Variants in CHML observed in about 807,000 individuals in gnomAD.
CHML encodes the protein CHM like Rab escort protein, also known as rab proteins geranylgeranyltransferase component A 2.
CHML carries 20 observed loss-of-function variants against 30.4 expected under a neutral mutation model. The observed-to-expected ratio is 0.66, with a 90% CI of 0.46 to 0.95. The LOEUF is 0.95. Among genes scored for constraint, CHML ranks in the 40% least tolerant of loss-of-function variants. The pLI, the probability that CHML is intolerant of heterozygous loss-of-function variation, is 0.00. For missense variants in CHML, 795 were observed against 768.5 expected, an observed-to-expected ratio of 1.03 and a Z score of -0.41; for synonymous variants, 281 against 275.0, an observed-to-expected ratio of 1.02 and a Z score of -0.22.
At chr1:241,639,739 G>C in intron 1 of CHML, 143 bp downstream of exon 1, 2 of 825,710 alleles carry the variant, frequency 2.4e-6, no homozygotes, top group Non-Finnish European at 3.4e-6. Flanking sequence ...GGCGAGCGGG[G>C]AGCGGGGCGG....
In CHML at chr1:241,640,305, G is replaced by C; in HGVS notation, c.-731C>G. On this transcript the variant is annotated 5_prime_UTR_variant, in exon 1 of 2. Coordinates refer to ENST00000366553, the MANE Select transcript of CHML (RefSeq NM_001381853.1). ...GCGGAGGCGCTCAGCTTGCGGCGGG[G>C]CTCGCGGCGCGCTCCGCACTGGGTG... 9.0e-7 allele frequency: 1 copy of C among 1,108,012 alleles called. No homozygotes were observed. Among genetic ancestry groups the C allele is most frequent in the Non-Finnish European group, 1.1e-6 (1 of 912,682 alleles). 68.6% of individuals were successfully genotyped at this position (1,108,012 alleles called of 1,614,324 possible).
At position 241,632,481 on chromosome 1, in the gene CHML, A is replaced by C. The variant is rs1664678053; in HGVS notation, c.*1315T>G. On this transcript the variant is annotated 3_prime_UTR_variant, in exon 2 of 2. Transcript: ENST00000366553. ...CAGAGCAAAAACTGTCACAGGGATC[A>C]TCATACTCTGACTGAAGAATGGAAA... is the stretch of plus-strand genomic sequence containing the variant. The C allele has an allele frequency of 6.6e-6, 1 of 152,170 alleles. No homozygotes were observed. Among genetic ancestry groups the C allele is most frequent in the Non-Finnish European group, 1.5e-5 (1 of 68,016 alleles). The allele number at this position is 152,170 out of a possible 1,614,324, so 9.4% of individuals were successfully genotyped here. A position where few individuals can be genotyped will look rare whatever the true frequency, so the allele number is the denominator to read the frequency against.
Position 241,629,415 on chromosome 1 carries a change from T to C in CHML, c.*4381A>G, listed in dbSNP as rs1375643561. 1 of 152,070 alleles carries C rather than the reference T, an allele frequency of 6.6e-6. No individual in the cohort carries two copies. The highest frequency in any genetic ancestry group is 1.5e-5 in the Non-Finnish European group (1 of 67,968). The allele number at this position is 152,070 out of a possible 1,614,324, so 9.4% of individuals were successfully genotyped here. On this transcript the variant is annotated 3_prime_UTR_variant, in exon 2 of 2. Coordinates refer to ENST00000366553, the MANE Select transcript of CHML (RefSeq NM_001381853.1). ...AACTAAGTCAAAGTTGCATTTTTAA[T>C]ATTAGGAAATTTGAATACCATTCAA...
Position 241,635,431 on chromosome 1 carries a change from G to A in CHML, c.336C>T (p.Asn112=), listed in dbSNP as rs763746700. Residue 112 remains asparagine, a synonymous_variant, in exon 2 of 2, where the codon AAC becomes AAT. Coordinates refer to ENST00000366553, the MANE Select transcript of CHML (RefSeq NM_001381853.1). Reference sequence around the variant, plus strand: ...TCTGCAGAGCACCAATCTCTTCAACGTTGTCCTCCATATCCTGACTGGCGT... The same window carrying A: ...TCTGCAGAGCACCAATCTCTTCAACATTGTCCTCCATATCCTGACTGGCGT... ...FCYASQDMED[N]VEEIGALQKN... 14 of 1,613,822 alleles carry A rather than the reference G, an allele frequency of 8.7e-6. No individual in the cohort carries two copies. Among genetic ancestry groups the A allele is most frequent in the Middle Eastern group, 1.6e-4 (1 of 6,084 alleles).
intron 1 of CHML, among the ~76,000 whole-genome samples, chr1:241,637,928 A>G (rs1394145465): frequency 6.6e-6 from 1 of 151,998 alleles, no homozygotes; most frequent in Non-Finnish European, 1.5e-5. Context: ...TCAATACTCC[A>G]CTGTTAGGTA....
At position 241,635,517 on chromosome 1, in the gene CHML, C is replaced by G; in HGVS notation, c.250G>C (p.Glu84Gln). The change falls in exon 2 of 2, where the codon GAA becomes CAA. Residue 84 changes from glutamate to glutamine, a missense_variant. By Grantham distance (29) the Glu-to-Gln change is conservative. Transcript: ENST00000366553. ...TTCTTGCGAAGAGTGATGGCTTCTT[C>G]TGTTTCATGGATCAGGTCCTGCCAT... is the stretch of plus-strand genomic sequence containing the variant. ...VVWQDLIHETEEAITLRKKDE... is the reference protein window; with the variant it reads ...VVWQDLIHETQEAITLRKKDE... The G allele has an allele frequency of 6.2e-7, 1 of 1,613,968 alleles. No individual in the cohort carries two copies. Among genetic ancestry groups the G allele is most frequent in the South Asian group, 1.1e-5 (1 of 91,074 alleles).
chr1:241,635,812 G>A lies in CHML; in HGVS notation c.-46C>T, dbSNP rs779326055. 1.3e-6 allele frequency: 2 copies of A among 1,547,548 alleles called. No individual in the cohort carries two copies. Among genetic ancestry groups the A allele is most frequent in the Non-Finnish European group, 1.8e-6 (2 of 1,140,512 alleles). ...GGTGACAACTGCTGATGAAAGAAAT[G>A]AGGTGTGATTATGCTGTAATAAAAT... On this transcript the variant is annotated 5_prime_UTR_variant, in exon 2 of 2. Transcript: ENST00000366553.
Position 241,640,346 on chromosome 1 carries a change from C to G in CHML, c.-772G>C. The G allele has an allele frequency of 2.8e-6, 3 of 1,062,790 alleles. No individual in the cohort carries two copies. The highest frequency in any genetic ancestry group is 3.4e-6 in the Non-Finnish European group (3 of 882,414). 65.8% of individuals were successfully genotyped at this position (1,062,790 alleles called of 1,614,324 possible). A position where few individuals can be genotyped will look rare whatever the true frequency, so the allele number is the denominator to read the frequency against. ...GCACTGGGTGGGGTTGGGGCTCCGC[C>G]GCCTGCTCTAGCCATTGTGCACTGA... On this transcript the variant is annotated 5_prime_UTR_variant, in exon 1 of 2. Transcript: ENST00000366553.
chr1:241,635,668 C>G lies in CHML; in HGVS notation c.99G>C (p.Arg33Ser). 2 of 1,614,026 alleles carry G rather than the reference C, an allele frequency of 1.2e-6. No homozygotes were observed. Among genetic ancestry groups the G allele is most frequent in the Non-Finnish European group, 1.7e-6 (2 of 1,179,930 alleles). ...LAAACSRSGQRVLHIDSRSYY... is the reference protein window; with the variant it reads ...LAAACSRSGQSVLHIDSRSYY... ...AGCTTCTTGAATCAATATGCAGAAC[C>G]CTCTGACCACTTCTTGAACATGCAG... The change falls in exon 2 of 2, where the codon AGG (arginine) becomes AGC (serine). Residue 33 changes from arginine (R) to serine (S), a missense_variant. Coordinates refer to ENST00000366553, the MANE Select transcript of CHML (RefSeq NM_001381853.1).
chr1:241,633,790 T>A lies in CHML; in HGVS notation c.*6A>T. 6.2e-7 allele frequency: 1 copy of A among 1,612,866 alleles called. No homozygotes were observed. Among genetic ancestry groups the A allele is most frequent in the Non-Finnish European group, 8.5e-7 (1 of 1,179,446 alleles). ...GTCCAAAACAGCATTTCGAGATTGC[T>A]CTTTTCTAATTTTGAAGGTGCTTCT... On this transcript the variant is annotated 3_prime_UTR_variant, in exon 2 of 2. Coordinates refer to ENST00000366553, the MANE Select transcript of CHML (RefSeq NM_001381853.1).
At position 241,639,926 on chromosome 1, in the gene CHML, T is replaced by A. The variant is rs1449415517; in HGVS notation, c.-352A>T. Reference sequence around the variant, plus strand: ...CCCGTCCCACACGCAGCCCACGGTGTCCCACACCCAGCCGTTCCTCAGGCA... The same window carrying A: ...CCCGTCCCACACGCAGCCCACGGTGACCCACACCCAGCCGTTCCTCAGGCA... On this transcript the variant is annotated 5_prime_UTR_variant, in exon 1 of 2. Coordinates refer to ENST00000366553, the MANE Select transcript of CHML (RefSeq NM_001381853.1). 2 of 1,605,790 alleles carry A rather than the reference T, an allele frequency of 1.2e-6. No homozygotes were observed. The highest frequency in any genetic ancestry group is 2.3e-5 in the East Asian group (1 of 43,900).
In CHML at chr1:241,634,051, G is replaced by A. The variant is rs772569153; in HGVS notation, c.1716C>T (p.Ser572=). 90 of 1,612,418 alleles carry A rather than the reference G, an allele frequency of 5.6e-5. No homozygotes were observed. The highest frequency in any genetic ancestry group is 2.2e-4 in the Admixed American group (13 of 59,686). Residue 572 remains serine, a synonymous_variant, in exon 2 of 2, where the codon TCC becomes TCT. Coordinates refer to ENST00000366553, the MANE Select transcript of CHML (RefSeq NM_001381853.1). ...ISRSSYNGLP[S]NVYVCSGPDC... is the part of the protein sequence containing the mutation. ...CAGGCCCAGAGCAGACATAAACATT[G>A]GAAGGCAAGCCATTATACGAGCTTC...
In CHML at chr1:241,630,771, T is replaced by A. The variant is rs1664601300; in HGVS notation, c.*3025A>T. ...TATTAAATCATTGCCAGAGAAATAATTAAATCAAGGGTGAATGATGAATTT... is the reference window on the plus strand; with the variant it reads ...TATTAAATCATTGCCAGAGAAATAAATAAATCAAGGGTGAATGATGAATTT... On this transcript the variant is annotated 3_prime_UTR_variant, in exon 2 of 2. Coordinates refer to ENST00000366553, the MANE Select transcript of CHML (RefSeq NM_001381853.1). 6.6e-6 allele frequency: 1 copy of A among 152,096 alleles called. No homozygotes were observed. The highest frequency in any genetic ancestry group is 1.5e-5 in the Non-Finnish European group (1 of 67,952). 9.4% of individuals were successfully genotyped at this position (152,096 alleles called of 1,614,324 possible). A position where few individuals can be genotyped will look rare whatever the true frequency, so the allele number is the denominator to read the frequency against.
rs1320487392 is a variant in CHML at position 241,632,652 on chromosome 1, T to G, written c.*1144A>C. The G allele has an allele frequency of 6.6e-6, 1 of 152,112 alleles. No individual in the cohort carries two copies. The highest frequency in any genetic ancestry group is 1.5e-5 in the Non-Finnish European group (1 of 68,004). 9.4% of individuals were successfully genotyped at this position (152,112 alleles called of 1,614,324 possible). On this transcript the variant is annotated 3_prime_UTR_variant, in exon 2 of 2. Transcript: ENST00000366553. ...ATAACAGCTAAGAGGCAAGAGAGAT[T>G]ACAGAAAATTGTTACTTCACAATTT...
Position 241,635,651 on chromosome 1 carries a change from G to C in CHML, c.116C>G (p.Ser39Ter). 1 of 1,614,052 alleles carries C rather than the reference G, an allele frequency of 6.2e-7. No individual in the cohort carries two copies. Among genetic ancestry groups the C allele is most frequent in the African/African-American group, 1.3e-5 (1 of 75,028 alleles). The change falls in exon 2 of 2, where the codon TCA becomes TGA. Residue 39 changes from serine to a stop codon, truncating the protein, a stop_gained. Coordinates refer to ENST00000366553, the MANE Select transcript of CHML (RefSeq NM_001381853.1). LOFTEE classifies it high-confidence loss of function. ...RSGQRVLHID[S>*]RSYYGGNWAS... is the part of the protein sequence containing the mutation. ...CCAGTTTCCTCCATAGTAGCTTCTTGAATCAATATGCAGAACCCTCTGACC... is the reference window on the plus strand; with the variant it reads ...CCAGTTTCCTCCATAGTAGCTTCTTCAATCAATATGCAGAACCCTCTGACC...
rs1284999742 is a variant in CHML at position 241,631,478 on chromosome 1, T to C, written c.*2318A>G. The C allele has an allele frequency of 1.3e-5, 2 of 152,132 alleles. No homozygotes were observed. Among genetic ancestry groups the C allele is most frequent in the East Asian group, 1.9e-4 (1 of 5,196 alleles). 9.4% of individuals were successfully genotyped at this position (152,132 alleles called of 1,614,324 possible). A position where few individuals can be genotyped will look rare whatever the true frequency, so the allele number is the denominator to read the frequency against. On this transcript the variant is annotated 3_prime_UTR_variant, in exon 2 of 2. Coordinates refer to ENST00000366553, the MANE Select transcript of CHML (RefSeq NM_001381853.1). ...CAGTTGTTCTGTTAGATTTAAACTTTAGGATAAAGTTTAAATATGACTTTT... is the reference window on the plus strand; with the variant it reads ...CAGTTGTTCTGTTAGATTTAAACTTCAGGATAAAGTTTAAATATGACTTTT...
At position 241,634,410 on chromosome 1, in the gene CHML, G is replaced by A; in HGVS notation, c.1357C>T (p.Gln453Ter). The A allele has an allele frequency of 6.2e-7, 1 of 1,613,726 alleles. No homozygotes were observed. Among genetic ancestry groups the A allele is most frequent in the Non-Finnish European group, 8.5e-7 (1 of 1,179,912 alleles). ...EETCSNVQYK[Q>*]ISRAVLITDQ... ...GTAATGAGTACTGCCCTAGAGATCT[G>A]CTTATACTGCACATTTGAGCATGTT... The change falls in exon 2 of 2, where the codon CAG (glutamine) becomes TAG (stop). Residue 453 changes from glutamine (Q) to a stop codon, truncating the protein, a stop_gained. Coordinates refer to ENST00000366553, the MANE Select transcript of CHML (RefSeq NM_001381853.1). LOFTEE classifies it high-confidence loss of function.
chr1:241,638,182 C>T (rs1164800081), intron 1 of CHML, among the ~76,000 whole-genome samples: 1 of 152,126 alleles, frequency 6.6e-6, no homozygotes, highest in Non-Finnish European at 1.5e-5. Context: ...GCACTAAATG[C>T]CCTGAAAAAT....
Position 241,628,914 on chromosome 1 carries a change from A to T in CHML, c.*4882T>A, listed in dbSNP as rs1331313112. 2 of 152,620 alleles carry T rather than the reference A, an allele frequency of 1.3e-5. No individual in the cohort carries two copies. Among genetic ancestry groups the T allele is most frequent in the African/African-American group, 4.8e-5 (2 of 41,456 alleles). The allele number at this position is 152,620 out of a possible 1,614,324, so 9.5% of individuals were successfully genotyped here. A position where few individuals can be genotyped will look rare whatever the true frequency, so the allele number is the denominator to read the frequency against. On this transcript the variant is annotated 3_prime_UTR_variant, in exon 2 of 2. Transcript: ENST00000366553. ...ATTGCATACATCAATATTTAACAGA[A>T]GAAAAATAAAGAACCCCTAATGTTA... is the stretch of plus-strand genomic sequence containing the variant.
Sources: allele counts gnomAD v4.1 joint callset (sites outside exome capture counted in the v4.1 genomes callset), GRCh38; gene constraint gnomAD v4.1.1; transcripts MANE v1.5; gene names NCBI Gene and HGNC (gene_info 2026-07-23, HGNC 2026-07-21).